Variants in ZNF423 observed in about 807,000 individuals in gnomAD.
The protein encoded by ZNF423 is Ebf-associated zinc finger protein.
A neutral mutation model predicts 95.8 loss-of-function variants in ZNF423; 12 were observed. That is an observed-to-expected ratio of 0.13 (90% confidence interval 0.08 to 0.20). ZNF423 has a LOEUF of 0.20. Among genes scored for constraint, ZNF423 ranks in the 10% least tolerant of loss-of-function variants. The probability of loss-of-function intolerance (pLI) is 1.00; values close to 1 mark genes in which losing one functional copy is unlikely to be tolerated. For synonymous variants in ZNF423, 749 were observed against 711.9 expected (o/e 1.05, Z -0.83); for missense variants, 1,316 against 1,737.1 (o/e 0.76, Z 4.31).
At chr16:49,608,495 G>A (rs557944175) in intron 5 of ZNF423, among the ~76,000 whole-genome samples, 8 of 152,270 alleles carry the variant, frequency 5.3e-5, no homozygotes, top group Middle Eastern at 3.4e-3. Context: ...TTCCTCTGTC[G>A]AAGTACAACT....
At chr16:49,531,798 A>G (rs1968854857) in intron 5 of ZNF423, among the ~76,000 whole-genome samples, 1 of 152,092 alleles carries the variant, frequency 6.6e-6, no homozygotes, top group South Asian at 2.1e-4. Context: ...ATGGAGGATG[A>G]CCATGGGAGC....
At chr16:49,528,375 G>A (rs990269344) in intron 5 of ZNF423, among the ~76,000 whole-genome samples, 4 of 152,120 alleles carry the variant, frequency 2.6e-5, no homozygotes, top group African/African-American at 4.8e-5. Flanking sequence ...GCTGCAAGCC[G>A]TCCGGGGCCC....
intron 6 of ZNF423, among the ~76,000 whole-genome samples, chr16:49,524,355 C>T (rs1363763038): frequency 3.3e-5 from 5 of 152,180 alleles, no homozygotes; most frequent in African/African-American, 1.2e-4. Flanking sequence ...TGTCAGCATC[C>T]TCGGGCCCCC....
intron 2 of ZNF423, among the ~76,000 whole-genome samples, chr16:49,777,864 GTTA>G (rs1482432547): frequency 6.6e-6 from 1 of 152,180 alleles, no homozygotes; most frequent in Non-Finnish European, 1.5e-5. Flanking sequence ...TCACTAGATG[GTTA>G]TTATTTTTTA....
intron 3 of ZNF423, among the ~76,000 whole-genome samples, chr16:49,712,915 C>T (rs1258568805): frequency 6.6e-6 from 1 of 152,236 alleles, no homozygotes; most frequent in Non-Finnish European, 1.5e-5. Flanking sequence ...CAGGTGACAG[C>T]CACAGAATGC....
chr16:49,821,271 G>A (rs1350525315), intron 1 of ZNF423, among the ~76,000 whole-genome samples: 1 of 151,944 alleles, frequency 6.6e-6, no homozygotes, highest in African/African-American at 2.4e-5. Context: ...GGGGGCAGGG[G>A]CGGGGGGCGA....
chr16:49,597,410 G>T (rs1971217065), intron 5 of ZNF423, among the ~76,000 whole-genome samples: 1 of 152,164 alleles, frequency 6.6e-6, no homozygotes, highest in Non-Finnish European at 1.5e-5. Flanking sequence ...TACGATAAAA[G>T]AATGTTAAAA....
chr16:49,643,315 C>G (rs570926111), intron 3 of ZNF423, among the ~76,000 whole-genome samples: 184 of 152,246 alleles, frequency 1.2e-3, no homozygotes, highest in African/African-American at 4.3e-3. Context: ...ATACTTGCAT[C>G]GATTTTGCTG....
intron 4 of ZNF423, among the ~76,000 whole-genome samples, chr16:49,627,817 T>C (rs1972352371): frequency 7.3e-6 from 1 of 136,558 alleles, no homozygotes; most frequent in Non-Finnish European, 1.6e-5. Flanking sequence ...CAGTCATCCA[T>C]TTACATACAC....
intron 3 of ZNF423, among the ~76,000 whole-genome samples, chr16:49,697,744 A>G (rs764428469): frequency 5.3e-5 from 8 of 152,224 alleles, no homozygotes; most frequent in Non-Finnish European, 1.2e-4. Flanking sequence ...TGTTTCTGCA[A>G]GCAGGTGTGT....
At chr16:49,854,886 G>C in intron 1 of ZNF423, 2 of 985,366 alleles carry the variant, frequency 2.0e-6, no homozygotes, top group Non-Finnish European at 2.4e-6. Context: ...CGGGGAGCCA[G>C]CACAGAAAGC....
At chr16:49,537,159 G>A (rs1006162064) in intron 5 of ZNF423, among the ~76,000 whole-genome samples, 1 of 152,174 alleles carries the variant, frequency 6.6e-6, no homozygotes, top group East Asian at 1.9e-4. Flanking sequence ...AGAATATGAC[G>A]AACACAGGAA....
chr16:49,783,547 A>G (rs2034252597), intron 2 of ZNF423, among the ~76,000 whole-genome samples: 1 of 115,400 alleles, frequency 8.7e-6, no homozygotes, highest in African/African-American at 3.4e-5. Context: ...CGTTAGGTTT[A>G]GTAGCAGGCT....
chr16:49,668,781 G>T (rs1176225125), intron 3 of ZNF423, among the ~76,000 whole-genome samples: 1 of 152,204 alleles, frequency 6.6e-6, no homozygotes, highest in Non-Finnish European at 1.5e-5. Flanking sequence ...GGAAGGAGGG[G>T]TGGGCAGGGA....
At chr16:49,803,319 C>T (rs1185730738) in intron 1 of ZNF423, among the ~76,000 whole-genome samples, 2 of 151,986 alleles carry the variant, frequency 1.3e-5, no homozygotes, top group Non-Finnish European at 2.9e-5. Context: ...GGCCTGAGTC[C>T]CATCACAGGA....
chr16:49,745,587 A>G (rs1159285342), intron 2 of ZNF423, among the ~76,000 whole-genome samples: 4 of 152,230 alleles, frequency 2.6e-5, no homozygotes, highest in African/African-American at 9.6e-5. Flanking sequence ...TCTATTGTGA[A>G]GACATTTTTG....
intron 3 of ZNF423, among the ~76,000 whole-genome samples, chr16:49,643,557 C>A (rs1973054411): frequency 7.7e-6 from 1 of 129,948 alleles, no homozygotes. Flanking sequence ...CACTACCCCC[C>A]ACCCCCCACT....
chr16:49,553,073 A>T (rs80204961), intron 5 of ZNF423, among the ~76,000 whole-genome samples: 1,891 of 152,044 alleles, frequency 0.012, 41 homozygotes, highest in African/African-American at 0.041. Context: ...ATATTAATTT[A>T]AAAAAAATAT....
At chr16:49,564,052 C>T (rs531613646) in intron 5 of ZNF423, among the ~76,000 whole-genome samples, 16 of 152,330 alleles carry the variant, frequency 1.1e-4, no homozygotes, top group African/African-American at 2.9e-4. Flanking sequence ...TGACCAACTG[C>T]ACCTGATGCT....
Sources: allele counts gnomAD v4.1 joint callset (sites outside exome capture counted in the v4.1 genomes callset), GRCh38; gene constraint gnomAD v4.1.1; transcripts MANE v1.5; gene names NCBI Gene and HGNC (gene_info 2026-07-23, HGNC 2026-07-21).